The following CFAP61 variants were observed in gnomAD, a reference collection of about 807,000 sequenced individuals.
The protein encoded by CFAP61 is cilia and flagella associated protein 61, also known as cilia- and flagella-associated protein 61.
CFAP61 carries 107 observed loss-of-function variants against 135.6 expected under a neutral mutation model. The observed-to-expected ratio is 0.79, with a 90% CI of 0.67 to 0.93. CFAP61 has a LOEUF of 0.93. CFAP61 is among the 40% of genes least tolerant of loss of function. The probability of loss-of-function intolerance (pLI) is 0.00; values close to 1 mark genes in which losing one functional copy is unlikely to be tolerated. For synonymous variants in CFAP61, 575 were observed against 578.5 expected (o/e 0.99, Z 0.09); for missense variants, 1,507 against 1,556.2 (o/e 0.97, Z 0.53).
In CFAP61 at chr20:20,263,096, G is replaced by T; in HGVS notation, c.2469G>T (p.Leu823=). ...AGGAAGAGGATTGCTTTAAGGCACT[G>T]ATTTGGATAAGGAATAACTCCATCA... The part of the protein sequence containing the change: ...LNEEEDCFKA[L]IWIRNNSITT... Residue 823 remains leucine (L), a synonymous_variant, in exon 21 of 27, where the codon CTG becomes CTT. Transcript: ENST00000245957. 6.2e-7 allele frequency: 1 copy of T among 1,613,988 alleles called. No individual in the cohort carries two copies. The highest frequency in any genetic ancestry group is 8.5e-7 in the Non-Finnish European group (1 of 1,179,912).
intron 18 of CFAP61, among the ~76,000 whole-genome samples, chr20:20,243,928 AGG>A (rs1418981002): frequency 2.0e-5 from 3 of 152,130 alleles, no homozygotes; most frequent in African/African-American, 7.2e-5. Context: ...GCCAAAACAA[AGG>A]GGTTACAGGC....
intron 25 of CFAP61, among the ~76,000 whole-genome samples, chr20:20,311,916 G>T (rs1203206013): frequency 6.6e-6 from 1 of 152,090 alleles, no homozygotes; most frequent in East Asian, 1.9e-4. Flanking sequence ...CAATAGGTAG[G>T]GTACACAAAA....
Position 20,169,340 on chromosome 20 carries a change from T to C in CFAP61, c.1265T>C (p.Ile422Thr), listed in dbSNP as rs143099429. The C allele has an allele frequency of 1.6e-5, 26 of 1,613,814 alleles. 1 individual carries two copies. The highest frequency in any genetic ancestry group is 5.5e-5 in the South Asian group (5 of 91,046). ...SLFSDKNFCV[I>T]SLPHLTPEFF... ...TGTTAGGATAAGAACTTCTGTGTAA[T>C]TTCTCTGCCCCATCTCACCCCCGAG... Residue 422 changes from isoleucine to threonine, a missense_variant, in exon 13 of 27, where the codon ATT (isoleucine) becomes ACT (threonine). Ile to Thr is a moderately conservative substitution (Grantham distance 89, BLOSUM62 -1). Coordinates refer to ENST00000245957, the MANE Select transcript of CFAP61 (RefSeq NM_015585.4).
At chr20:20,141,828 A>C (rs1401330179) in intron 8 of CFAP61, among the ~76,000 whole-genome samples, 1 of 152,170 alleles carries the variant, frequency 6.6e-6, no homozygotes, top group African/African-American at 2.4e-5. Context: ...TGATGCTTGA[A>C]AACAAGAAGG....
chr20:20,184,040 G>T (rs1427870583), intron 13 of CFAP61, among the ~76,000 whole-genome samples: 5 of 152,202 alleles, frequency 3.3e-5, no homozygotes, highest in Admixed American at 3.3e-4. Context: ...GTGCTACTTT[G>T]CAGGAAGATA....
chr20:20,352,023 G>A (rs1961206), intron 26 of CFAP61, among the ~76,000 whole-genome samples: 81,688 of 152,034 alleles, frequency 0.54, 23,042 homozygotes, highest in East Asian at 0.63. Flanking sequence ...AACAGCATGT[G>A]TATTAGTCCA....
At chr20:20,179,448 C>T (rs1358547892) in intron 13 of CFAP61, among the ~76,000 whole-genome samples, 1 of 152,114 alleles carries the variant, frequency 6.6e-6, no homozygotes, top group Non-Finnish European at 1.5e-5. Flanking sequence ...TTAAAATGAC[C>T]ATACTGCCCA....
chr20:20,152,864 A>G (rs1479520395), intron 9 of CFAP61, among the ~76,000 whole-genome samples: 1 of 152,180 alleles, frequency 6.6e-6, no homozygotes, highest in Non-Finnish European at 1.5e-5. Flanking sequence ...CCCTAGAACT[A>G]ATGGACTTAA....
chr20:20,133,517 T>G (rs894688441), intron 8 of CFAP61, among the ~76,000 whole-genome samples: 2 of 152,176 alleles, frequency 1.3e-5, no homozygotes, highest in East Asian at 3.9e-4. Context: ...GTCACATGAT[T>G]AAACCCAGAA....
At chr20:20,351,948 A>G (rs979526476) in intron 26 of CFAP61, among the ~76,000 whole-genome samples, 18 of 147,338 alleles carry the variant, frequency 1.2e-4, no homozygotes, top group African/African-American at 3.6e-4. Context: ...CAATCTTGAG[A>G]AAAAAAAAAC....
chr20:20,095,126 GT>G (rs996084572), intron 7 of CFAP61, among the ~76,000 whole-genome samples: 14 of 151,368 alleles, frequency 9.2e-5, no homozygotes, highest in East Asian at 5.8e-4. Flanking sequence ...GTTCTTGAGG[GT>G]TTTTTTTTAA....
chr20:20,335,333 G>A (rs556079735), intron 25 of CFAP61, among the ~76,000 whole-genome samples: 3 of 152,268 alleles, frequency 2.0e-5, no homozygotes, highest in South Asian at 2.1e-4. Flanking sequence ...TAGAGTCTTC[G>A]GGGTATCACA....
At chr20:20,258,439 A>G (rs1385099996) in intron 20 of CFAP61, 1 of 152,142 alleles carries the variant, frequency 6.6e-6, no homozygotes, top group African/African-American at 2.4e-5. Flanking sequence ...GTCCCACTGA[A>G]GAAGGGAAGG....
chr20:20,179,432 A>G (rs773755718), intron 13 of CFAP61, among the ~76,000 whole-genome samples: 2 of 152,232 alleles, frequency 1.3e-5, no homozygotes, highest in Admixed American at 6.5e-5. Flanking sequence ...GAAAGAATCA[A>G]TATCATTAAA....
chr20:20,230,188 G>A (rs759377057), intron 18 of CFAP61, among the ~76,000 whole-genome samples: 2 of 152,062 alleles, frequency 1.3e-5, no homozygotes, highest in Non-Finnish European at 2.9e-5. Context: ...GTATTGGGTC[G>A]ATTAAATTTC....
chr20:20,067,093 TAA>T (rs554114024), intron 2 of CFAP61, among the ~76,000 whole-genome samples: 1 of 143,648 alleles, frequency 7.0e-6, no homozygotes, highest in Non-Finnish European at 1.5e-5. Flanking sequence ...ATCTGACTCT[TAA>T]AAAAAAAAAA....
intron 6 of CFAP61, among the ~76,000 whole-genome samples, chr20:20,076,489 C>G (rs2146580973): frequency 6.6e-6 from 1 of 152,314 alleles, no homozygotes; most frequent in East Asian, 1.9e-4. Context: ...ATCGCAGCCA[C>G]ATGACAGACC....
At chr20:20,269,240 C>CATGTATGTATATAT (rs1569220097) in intron 21 of CFAP61, among the ~76,000 whole-genome samples, 1 of 123,542 alleles carries the variant, frequency 8.1e-6, no homozygotes, top group Non-Finnish European at 1.9e-5. Context: ...TATATATATA[C>CATGTATGTATATAT]ACGTATATGT....
At chr20:20,276,294 ATT>A (rs1311282018) in intron 21 of CFAP61, among the ~76,000 whole-genome samples, 1 of 152,234 alleles carries the variant, frequency 6.6e-6, no homozygotes, top group African/African-American at 2.4e-5. Flanking sequence ...TGAAGTGTAC[ATT>A]TTGTGGTAAA....
Sources: allele counts gnomAD v4.1 joint callset (sites outside exome capture counted in the v4.1 genomes callset), GRCh38; gene constraint gnomAD v4.1.1; transcripts MANE v1.5; gene names NCBI Gene and HGNC (gene_info 2026-07-23, HGNC 2026-07-21).